The following CNTNAP5 variants were observed in gnomAD, a reference collection of about 807,000 sequenced individuals.
CNTNAP5 encodes contactin associated protein family member 5, also known as contactin-associated protein-like 5.
Under a neutral mutation model 150.2 loss-of-function variants are expected in CNTNAP5, and 72 were observed. The observed-to-expected ratio is 0.48, with a 90% CI of 0.40 to 0.58. The LOEUF is 0.58. Ranked by LOEUF, CNTNAP5 falls within the 20% of genes least tolerant of loss-of-function variation. The pLI, the probability that CNTNAP5 is intolerant of heterozygous loss-of-function variation, is 0.00. For missense variants in CNTNAP5, 1,636 were observed against 1,626.2 expected, an observed-to-expected ratio of 1.01 and a Z score of -0.10; for synonymous variants, 672 against 619.8, an observed-to-expected ratio of 1.08 and a Z score of -1.25.
At position 124,098,978 on chromosome 2, in the gene CNTNAP5, ACAAATT is replaced by A. The variant is rs200596570; in HGVS notation, c.82+73248_82+73253del. Among the ~76,000 whole-genome samples the A allele has an allele frequency of 7.6e-3, 1,157 of 152,316 alleles. 8 individuals are homozygous for A. Among genetic ancestry groups the A allele is most frequent in the African/African-American group, 0.026 (1,079 of 41,568 alleles). On this transcript the variant is annotated intron_variant, in intron 1 of 23. Transcript: ENST00000682447. ...TAATACTAACATCCACCATTTATTG[ACAAATT>A]CCTATTACTGTCAATGTCTCCCTAT...
At chr2:124,353,673 C>T (rs956680351) in intron 3 of CNTNAP5, among the ~76,000 whole-genome samples, 1 of 152,124 alleles carries the variant, frequency 6.6e-6, no homozygotes, top group East Asian at 1.9e-4. Context: ...CACTATAGAA[C>T]AGAAGCAGTG....
In CNTNAP5 at chr2:124,534,596, C is replaced by T. The variant is rs540991528; in HGVS notation, c.1649+7140C>T. The stretch of plus-strand genomic sequence containing the variant: ...CCCACACACATTCATTTAAGAAATT[C>T]GGGTGTGGTGGCTCACGCCTGTAGT... On this transcript the variant is annotated intron_variant, in intron 10 of 23. Transcript: ENST00000682447. 5.9e-5 allele frequency among the ~76,000 whole-genome samples: 9 copies of T among 152,208 alleles called. No homozygotes were observed. In the East Asian group the frequency reaches 1.4e-3, roughly 23 times the overall value.
chr2:124,478,065 T>C (rs990197429), intron 7 of CNTNAP5, among the ~76,000 whole-genome samples: 4 of 152,082 alleles, frequency 2.6e-5, no homozygotes, highest in African/African-American at 9.7e-5. Context: ...ATATTATGTG[T>C]TAAAAAATAT....
Position 124,720,460 on chromosome 2 carries a change from T to C in CNTNAP5, c.2078-26769T>C, listed in dbSNP as rs560053715. ...GCTCTGATGAGTTTAAAGTGTACAATTGATTTAACCAGAAATAACTTAGCA... is the reference window on the plus strand; with the variant it reads ...GCTCTGATGAGTTTAAAGTGTACAACTGATTTAACCAGAAATAACTTAGCA... On this transcript the variant is annotated intron_variant, in intron 13 of 23. Coordinates refer to ENST00000682447, the MANE Select transcript of CNTNAP5 (RefSeq NM_001367498.1). Among the ~76,000 whole-genome samples, 3 of 152,264 alleles carry C rather than the reference T, an allele frequency of 2.0e-5. No individual in the cohort carries two copies. The South Asian group carries it at 6.2e-4, about 32-fold the overall frequency.
intron 4 of CNTNAP5, among the ~76,000 whole-genome samples, chr2:124,424,504 T>C (rs183703168): frequency 5.9e-5 from 9 of 152,338 alleles, no homozygotes; most frequent in Admixed American, 5.2e-4. Context: ...CCTCATTAGA[T>C]TTGAGAATAA....
At chr2:124,793,316 G>A (rs191730936) in intron 18 of CNTNAP5, among the ~76,000 whole-genome samples, 3 of 152,074 alleles carry the variant, frequency 2.0e-5, no homozygotes, top group African/African-American at 7.2e-5. Flanking sequence ...TGTGCTTATT[G>A]TCCATTTGTA....
chr2:124,408,025 C>T (rs1006750015), intron 3 of CNTNAP5, among the ~76,000 whole-genome samples: 4 of 152,140 alleles, frequency 2.6e-5, no homozygotes, highest in Non-Finnish European at 4.4e-5. Context: ...AGTGGGTGCG[C>T]GCACCGTACG....
intron 1 of CNTNAP5, among the ~76,000 whole-genome samples, chr2:124,221,360 G>A (rs937831557): frequency 2.0e-5 from 3 of 152,064 alleles, no homozygotes; most frequent in African/African-American, 4.8e-5. Context: ...ATAATTTGAG[G>A]GTTTGCTCAA....
intron 11 of CNTNAP5, among the ~76,000 whole-genome samples, chr2:124,587,284 C>A (rs937385147): frequency 1.3e-5 from 2 of 152,098 alleles, no homozygotes; most frequent in Admixed American, 1.3e-4. Context: ...GTGTAGCATC[C>A]TCAATTTATT....
At chr2:124,461,694 A>G (rs1174612237) in intron 6 of CNTNAP5, among the ~76,000 whole-genome samples, 1 of 151,744 alleles carries the variant, frequency 6.6e-6, no homozygotes, top group Non-Finnish European at 1.5e-5. Context: ...AATAAACAAT[A>G]AAAAATACAA....
chr2:124,679,478 G>T (rs1041207263), intron 13 of CNTNAP5, among the ~76,000 whole-genome samples: 1 of 151,774 alleles, frequency 6.6e-6, no homozygotes, highest in African/African-American at 2.4e-5. Flanking sequence ...TATTTTACAG[G>T]TGAGGAAACT....
At chr2:124,352,630 T>C (rs1465103162) in intron 3 of CNTNAP5, among the ~76,000 whole-genome samples, 1 of 152,222 alleles carries the variant, frequency 6.6e-6, no homozygotes, top group African/African-American at 2.4e-5. Flanking sequence ...CCAAAAGTAC[T>C]GTAAATACAA....
chr2:124,030,138 A>G (rs1356273940), intron 1 of CNTNAP5, among the ~76,000 whole-genome samples: 5 of 152,140 alleles, frequency 3.3e-5, no homozygotes, highest in Non-Finnish European at 7.4e-5. Context: ...TATTATTAAC[A>G]TCCTATTTAC....
chr2:124,466,033 T>G (rs977376294), intron 6 of CNTNAP5, among the ~76,000 whole-genome samples: 6 of 152,100 alleles, frequency 3.9e-5, no homozygotes, highest in Non-Finnish European at 7.4e-5. Flanking sequence ...AGCGTATTGA[T>G]CTCTTTTACC....
In CNTNAP5 at chr2:124,067,305, A is replaced by T. The variant is rs572905844; in HGVS notation, c.82+41573A>T. The stretch of plus-strand genomic sequence containing the variant: ...GGAATCAGTACCATGGGTCAGAATC[A>T]GGGTGTTGGCAAGAACATGCTTCTT... On this transcript the variant is annotated intron_variant, in intron 1 of 23. Transcript: ENST00000682447. 2.0e-5 allele frequency among the ~76,000 whole-genome samples: 3 copies of T among 152,290 alleles called. No homozygotes were observed. In the East Asian group the frequency reaches 5.8e-4, roughly 29 times the overall value.
chr2:124,207,098 G>A (rs535270726), intron 1 of CNTNAP5, among the ~76,000 whole-genome samples: 5 of 152,228 alleles, frequency 3.3e-5, no homozygotes, highest in African/African-American at 7.2e-5. Context: ...TTAAAGAAAC[G>A]AGAATCCCTT....
intron 1 of CNTNAP5, among the ~76,000 whole-genome samples, chr2:124,052,029 A>T (rs1265656131): frequency 1.3e-5 from 2 of 152,202 alleles, no homozygotes; most frequent in Non-Finnish European, 2.9e-5. Flanking sequence ...AAGAAAATAC[A>T]AGCCAACTTT....
At chr2:124,200,183 C>T (rs1416220479) in intron 1 of CNTNAP5, among the ~76,000 whole-genome samples, 1 of 152,144 alleles carries the variant, frequency 6.6e-6, no homozygotes, top group African/African-American at 2.4e-5. Context: ...TTGTTGGATA[C>T]TGACTTTACA....
At chr2:124,062,267 C>T (rs969101503) in intron 1 of CNTNAP5, among the ~76,000 whole-genome samples, 31 of 152,150 alleles carry the variant, frequency 2.0e-4, no homozygotes, top group African/African-American at 7.0e-4. Context: ...CCATCCTTTC[C>T]ATATATTCCT....
Sources: gnomAD v4.1 joint callset for allele counts (sites outside exome capture counted in the v4.1 genomes callset) on GRCh38, gnomAD v4.1.1 for gene constraint, MANE v1.5 for transcripts, NCBI Gene and HGNC (gene_info 2026-07-23, HGNC 2026-07-21) for gene names.